Variants in SCN3A observed in about 807,000 individuals in gnomAD.
The protein encoded by SCN3A is sodium voltage-gated channel alpha subunit 3.
In SCN3A, 60 loss-of-function variants were observed where a neutral mutation model predicts 187.6. That is an observed-to-expected ratio of 0.32 (90% CI 0.26 to 0.40). The LOEUF is 0.40. Among genes scored for constraint, SCN3A ranks in the 10% least tolerant of loss-of-function variants. The pLI, the probability that SCN3A is intolerant of heterozygous loss-of-function variation, is 1.00. For synonymous variants in SCN3A, 788 were observed against 829.2 expected, an observed-to-expected ratio of 0.95 and a Z score of 0.85; for missense variants, 1,601 against 2,428.2, an observed-to-expected ratio of 0.66 and a Z score of 7.16.
At position 165,131,636 on chromosome 2, in the gene SCN3A, A is replaced by G. The variant is rs182011734; in HGVS notation, c.2392-219T>C. On this transcript the variant is annotated intron_variant, in intron 15 of 27. Transcript: ENST00000283254. ...ATTATTATACTTTAAGTTTGAGGGT[A>G]CATGTGTACAATGTGCAGGTTAGTT... Among the ~76,000 whole-genome samples, 266 of 151,704 alleles carry G rather than the reference A, an allele frequency of 1.8e-3. 1 individual carries two copies. The highest frequency in any genetic ancestry group is 9.7e-4 in the East Asian group (5 of 5,160).
At chr2:165,112,254 TG>T in intron 21 of SCN3A, among the ~76,000 whole-genome samples, 1 of 152,326 alleles carries the variant, frequency 6.6e-6, no homozygotes, top group South Asian at 2.1e-4. Context: ...TAATTGGCAA[TG>T]TTCCTATGAC....
chr2:165,198,653 A>G (rs779939279), intron 1 of SCN3A, among the ~76,000 whole-genome samples: 1 of 152,058 alleles, frequency 6.6e-6, no homozygotes, highest in East Asian at 1.9e-4. Flanking sequence ...GCATGCATTC[A>G]CTTTCTAGTT....
chr2:165,091,184 T>C lies in SCN3A; in HGVS notation c.4969A>G (p.Asn1657Asp). The C allele has an allele frequency of 6.2e-7, 1 of 1,614,092 alleles. No individual in the cohort carries two copies. The highest frequency in any genetic ancestry group is 8.5e-7 in the Non-Finnish European group (1 of 1,179,986). ...ACCAGGAAGAGCAGGAGGCCGATGT[T>C]AAACAACGCAGGAAGGGACATCATC... Reference protein sequence around the residue: ...ALMMSLPALFNIGLLLFLVMF... With the variant: ...ALMMSLPALFDIGLLLFLVMF... The change falls in exon 28 of 28, where the codon AAC becomes GAC. Residue 1657 changes from asparagine (N) to aspartate (D), a missense_variant. Physicochemically the swap from Asn to Asp is conservative, Grantham distance 23. Coordinates refer to ENST00000283254, the MANE Select transcript of SCN3A (RefSeq NM_006922.4).
rs1477111612 is a variant in SCN3A at position 165,090,317 on chromosome 2, T to C, written c.5836A>G (p.Ile1946Val). 1.9e-6 allele frequency: 3 copies of C among 1,613,460 alleles called. No individual in the cohort carries two copies. The highest frequency in any genetic ancestry group is 1.7e-4 in the Middle Eastern group (1 of 6,060). Reference protein sequence around the residue: ...IDLPIKQDMIIDKLNGNSTPE... With the variant: ...IDLPIKQDMIVDKLNGNSTPE... ...GTGGAGTTCCCATTTAGTTTGTCAA[T>C]AATCATGTCTTGTTTTATAGGTAAG... Residue 1946 changes from isoleucine (I) to valine (V), a missense_variant, in exon 28 of 28, where the codon ATT (isoleucine) becomes GTT (valine). Ile to Val is a conservative substitution (Grantham distance 29). Around this residue, in one of 11 missense-constraint regions of SCN3A, gnomAD observed 87 missense variants for 89.2 expected, o/e 0.98. Coordinates refer to ENST00000283254, the MANE Select transcript of SCN3A (RefSeq NM_006922.4). The surrounding 1 kb of genome is among the most constrained non-coding windows in gnomAD (Gnocchi z 4.0).
rs1687223132 is a variant in SCN3A, at chr2:165,130,086, T to C, written c.2776A>G (p.Met926Val). ...NDDCTLPRWH[M>V]NDFFHSFLIV... The stretch of plus-strand genomic sequence containing the variant: ...AGGAAGGAGTGGAAGAAGTCGTTCA[T>C]GTGCCACCGTGGGAGCGTACAGTCA... The change falls in exon 17 of 28, where the codon ATG becomes GTG. Residue 926 changes from methionine (M) to valine (V), a missense_variant. This residue lies in a region of SCN3A where 91 missense variants were observed against 207.0 expected (regional missense o/e 0.44). Coordinates refer to ENST00000283254, the MANE Select transcript of SCN3A (RefSeq NM_006922.4). 3 of 1,614,044 alleles carry C rather than the reference T, an allele frequency of 1.9e-6. No individual in the cohort carries two copies. Among genetic ancestry groups the C allele is most frequent in the East Asian group, 2.2e-5 (1 of 44,892 alleles).
At chr2:165,125,434 G>C (rs1686929935) in intron 18 of SCN3A, among the ~76,000 whole-genome samples, 1 of 152,200 alleles carries the variant, frequency 6.6e-6, no homozygotes, top group Non-Finnish European at 1.5e-5. Flanking sequence ...CTCCCGAGTA[G>C]CTGGGACTAC....
At chr2:165,198,534 C>A (rs1692117287) in intron 1 of SCN3A, among the ~76,000 whole-genome samples, 1 of 152,092 alleles carries the variant, frequency 6.6e-6, no homozygotes, top group South Asian at 2.1e-4. Context: ...TTCCATTTAA[C>A]AACAGAGGGA....
At chr2:165,183,879 A>C (rs1691049475) in intron 2 of SCN3A, among the ~76,000 whole-genome samples, 1 of 152,174 alleles carries the variant, frequency 6.6e-6, no homozygotes, top group African/African-American at 2.4e-5. Flanking sequence ...CATTAAAAAA[A>C]TCTGTAATGT....
At position 165,139,377 on chromosome 2, in the gene SCN3A, C is replaced by T. The variant is rs538494016; in HGVS notation, c.2152+99G>A. 1.3e-4 allele frequency: 200 copies of T among 1,522,402 alleles called. 1 individual carries two copies. Among genetic ancestry groups the T allele is most frequent in the Admixed American group, 3.4e-4 (20 of 59,468 alleles). 94.3% of individuals were successfully genotyped at this position (1,522,402 alleles called of 1,614,324 possible). On this transcript the variant is annotated intron_variant, in intron 14 of 27. Transcript: ENST00000283254. Reference sequence around the variant, plus strand: ...CATTCTTAGGTCTAATATATAGTTTCGATCTGGGTAACAGACTTCAGTAAT... The same window carrying T: ...CATTCTTAGGTCTAATATATAGTTTTGATCTGGGTAACAGACTTCAGTAAT...
chr2:165,109,856 C>T (rs1466223208), intron 21 of SCN3A, among the ~76,000 whole-genome samples: 1 of 152,140 alleles, frequency 6.6e-6, no homozygotes, highest in Non-Finnish European at 1.5e-5. Flanking sequence ...TTGCCATGGC[C>T]ACTGTGTACT....
intron 2 of SCN3A, among the ~76,000 whole-genome samples, chr2:165,182,063 A>G (rs907977573): frequency 3.3e-5 from 5 of 152,236 alleles, no homozygotes; most frequent in Non-Finnish European, 1.5e-5. Context: ...GTTTTAGCAC[A>G]TGCCTATTGC....
In SCN3A at chr2:165,165,305, A is replaced by G. The variant is rs566626586; in HGVS notation, c.474-785T>C. Among the ~76,000 whole-genome samples the G allele has an allele frequency of 6.8e-5, 10 of 146,862 alleles. 1 individual carries two copies. The highest frequency in any genetic ancestry group is 4.9e-4 in the East Asian group (2 of 4,098). On this transcript the variant is annotated intron_variant, in intron 5 of 27. Coordinates refer to ENST00000283254, the MANE Select transcript of SCN3A (RefSeq NM_006922.4). The stretch of plus-strand genomic sequence containing the variant: ...TATAGAGATGTGTGTGTGTGTGTAT[A>G]TATTATCATATGAAATGTTCCAGTT...
intron 2 of SCN3A, chr2:165,179,650 G>T (rs1429487835): frequency 1.3e-5 from 2 of 152,182 alleles, no homozygotes; most frequent in Admixed American, 6.5e-5. Flanking sequence ...TTGTCTCTAA[G>T]TCCTCGGAAG....
At position 165,087,684 on chromosome 2, in the gene SCN3A, T is replaced by C. The variant is rs1447471521; in HGVS notation, c.*2466A>G. ...CAAGGGTTCTTGAAAAAAAAGTTAA[T>C]ATAAATTCTCAATAACTATATCATT... On this transcript the variant is annotated 3_prime_UTR_variant, in exon 28 of 28. Coordinates refer to ENST00000283254, the MANE Select transcript of SCN3A (RefSeq NM_006922.4). 6.6e-6 allele frequency: 1 copy of C among 152,154 alleles called. No homozygotes were observed. Among genetic ancestry groups the C allele is most frequent in the Non-Finnish European group, 1.5e-5 (1 of 68,016 alleles). The allele number at this position is 152,154 out of a possible 1,614,324, so 9.4% of individuals were successfully genotyped here. A position where few individuals can be genotyped will look rare whatever the true frequency, so the allele number is the denominator to read the frequency against.
At chr2:165,176,500 A>C in intron 2 of SCN3A, 56 bp from the exon 3 acceptor site, 1 of 1,350,784 alleles carries the variant, frequency 7.4e-7, no homozygotes, top group East Asian at 2.3e-5. Flanking sequence ...TGGGCATAAG[A>C]ACATCAACCA....
intron 21 of SCN3A, among the ~76,000 whole-genome samples, chr2:165,106,991 T>G (rs1323812027): frequency 6.6e-6 from 1 of 152,142 alleles, no homozygotes; most frequent in South Asian, 2.1e-4. Flanking sequence ...ATTGATTGGT[T>G]GTGAGGGGTG....
At chr2:165,154,737 A>C in intron 10 of SCN3A, 79 bp from the exon 11 acceptor site, 1 of 1,386,830 alleles carries the variant, frequency 7.2e-7, no homozygotes, top group Admixed American at 1.7e-5. Context: ...ACAGTTAGAT[A>C]GTCAGTAGAC....
In SCN3A at chr2:165,090,782, C is replaced by G; in HGVS notation, c.5371G>C (p.Glu1791Gln). ...TTTTCCCAAACCTCATAGAACATCT[C>G]AAAGTCATCCTCACTCAGGGGCTCT... ...SAEPLSEDDFEMFYEVWEKFD... is the reference protein window; with the variant it reads ...SAEPLSEDDFQMFYEVWEKFD... Residue 1791 changes from glutamate (E) to glutamine (Q), a missense_variant, in exon 28 of 28, where the codon GAG (glutamate) becomes CAG (glutamine). By Grantham distance (29) the Glu-to-Gln change is conservative. Transcript: ENST00000283254. The surrounding 1 kb of genome is among the most constrained non-coding windows in gnomAD (Gnocchi z 4.0). 6.2e-7 allele frequency: 1 copy of G among 1,614,084 alleles called. No individual in the cohort carries two copies. The highest frequency in any genetic ancestry group is 8.5e-7 in the Non-Finnish European group (1 of 1,180,010).
Position 165,168,890 on chromosome 2 carries a change from A to G in SCN3A, c.384-65T>C. The G allele has an allele frequency of 1.7e-6, 2 of 1,150,398 alleles. 1 individual carries two copies. Among genetic ancestry groups the G allele is most frequent in the South Asian group, 2.5e-5 (2 of 79,402 alleles). 71.3% of individuals were successfully genotyped at this position (1,150,398 alleles called of 1,614,324 possible). On this transcript the variant is annotated intron_variant, in intron 4 of 27. Coordinates refer to ENST00000283254, the MANE Select transcript of SCN3A (RefSeq NM_006922.4). ...TGGCCATTTATAAATGATCCAAAAC[A>G]CACAAAAAAGTTTATCGATGCAAAA...
Sources: gnomAD v4.1 joint callset for allele counts (sites outside exome capture counted in the v4.1 genomes callset) on GRCh38, gnomAD v4.1.1 for gene constraint, gnomAD v4.1.1 regional missense constraint, Gnocchi (gnomAD v3.1) non-coding constraint, MANE v1.5 for transcripts, NCBI Gene and HGNC (gene_info 2026-07-23, HGNC 2026-07-21) for gene names.